Variants in PTPRK observed in about 807,000 individuals in gnomAD.
PTPRK encodes the protein protein tyrosine phosphatase receptor type K, also known as receptor-type tyrosine-protein phosphatase kappa.
PTPRK carries 75 observed loss-of-function variants against 178.0 expected under a neutral mutation model. The observed-to-expected ratio is 0.42, with a 90% CI of 0.35 to 0.51. The LOEUF (loss-of-function observed/expected upper bound fraction) is 0.51, where lower values mean the gene tolerates loss of function less well. PTPRK is among the 20% of genes least tolerant of loss of function. The probability of loss-of-function intolerance (pLI) is 0.02; values close to 1 mark genes in which losing one functional copy is unlikely to be tolerated. For synonymous variants in PTPRK, 637 were observed against 620.6 expected (o/e 1.03, Z -0.39); for missense variants, 1,441 against 1,797.8 (o/e 0.80, Z 3.59).
intron 3 of PTPRK, among the ~76,000 whole-genome samples, chr6:128,294,276 A>T (rs952105784): frequency 1.3e-5 from 2 of 152,130 alleles, no homozygotes; most frequent in Admixed American, 6.6e-5. Context: ...GCTAAGAATC[A>T]GTCTTTCTAA....
At position 128,491,478 on chromosome 6, in the gene PTPRK, G is replaced by A. The variant is rs1402411642; in HGVS notation, c.100+28781C>T. On this transcript the variant is annotated intron_variant, in intron 1 of 29. Transcript: ENST00000368226. ...AGGATTATGTGCTGATAAAGAATGC[G>A]GAAAGAATGTTTATGAGGAAGCAGA... Among the ~76,000 whole-genome samples, 8 of 152,168 alleles carry A rather than the reference G, an allele frequency of 5.3e-5. No homozygotes were observed. In the South Asian group the frequency reaches 6.2e-4, roughly 12 times the overall value.
At chr6:128,146,954 A>G (rs1796592487) in intron 7 of PTPRK, among the ~76,000 whole-genome samples, 1 of 152,168 alleles carries the variant, frequency 6.6e-6, no homozygotes, top group Non-Finnish European at 1.5e-5. Context: ...ATGTTTTAAT[A>G]TAAATGAATA....
chr6:128,149,681 C>T (rs1796992840), intron 7 of PTPRK, among the ~76,000 whole-genome samples: 1 of 152,062 alleles, frequency 6.6e-6, no homozygotes, highest in Non-Finnish European at 1.5e-5. Context: ...GGTAAAGAAC[C>T]TAGCACTTGG....
At chr6:128,218,128 T>C (rs558163162) in intron 6 of PTPRK, among the ~76,000 whole-genome samples, 33 of 152,278 alleles carry the variant, frequency 2.2e-4, no homozygotes, top group Middle Eastern at 3.4e-3. Context: ...TTTTCCTTCA[T>C]AGCCCATACC....
intron 13 of PTPRK, among the ~76,000 whole-genome samples, chr6:128,030,784 G>C (rs113355737): frequency 9.5e-4 from 144 of 152,202 alleles, no homozygotes; most frequent in African/African-American, 3.3e-3. Flanking sequence ...TCAAGTTCAA[G>C]AAGAATTTCA....
At chr6:128,315,596 T>G (rs1030269603) in intron 3 of PTPRK, among the ~76,000 whole-genome samples, 13 of 152,138 alleles carry the variant, frequency 8.5e-5, no homozygotes, top group African/African-American at 2.7e-4. Context: ...TAAAATTTAG[T>G]GTCCAAAGTT....
intron 7 of PTPRK, among the ~76,000 whole-genome samples, chr6:128,136,553 T>C (rs989945547): frequency 2.0e-5 from 3 of 152,226 alleles, no homozygotes; most frequent in Non-Finnish European, 4.4e-5. Context: ...AAAAAATGCC[T>C]TTTTGTTGCC....
intron 3 of PTPRK, among the ~76,000 whole-genome samples, chr6:128,306,082 C>G (rs1371754662): frequency 6.6e-6 from 1 of 152,172 alleles, no homozygotes; most frequent in Non-Finnish European, 1.5e-5. Context: ...GTGGGGGAAA[C>G]CATCCCCATG....
At chr6:128,202,956 A>G (rs1384085144) in intron 6 of PTPRK, among the ~76,000 whole-genome samples, 3 of 152,180 alleles carry the variant, frequency 2.0e-5, no homozygotes, top group African/African-American at 7.2e-5. Flanking sequence ...CAACAGACAA[A>G]AGAAAACTTC....
At chr6:128,008,437 G>A (rs1398851378) in intron 14 of PTPRK, among the ~76,000 whole-genome samples, 1 of 150,720 alleles carries the variant, frequency 6.6e-6, no homozygotes, top group African/African-American at 2.4e-5. Context: ...ACAGATTTAT[G>A]GCATTTTATA....
chr6:128,102,433 A>G (rs1350193603), intron 7 of PTPRK, among the ~76,000 whole-genome samples: 1 of 152,226 alleles, frequency 6.6e-6, no homozygotes, highest in African/African-American at 2.4e-5. Flanking sequence ...CAGGAAAAAT[A>G]GGGCGTGTCC....
At chr6:128,036,163 G>A (rs1438824522) in intron 13 of PTPRK, among the ~76,000 whole-genome samples, 1 of 152,140 alleles carries the variant, frequency 6.6e-6, no homozygotes, top group Non-Finnish European at 1.5e-5. Flanking sequence ...CTCAAAATAT[G>A]AGAAAGAGAC....
Position 128,009,034 on chromosome 6 carries a change from T to C in PTPRK, c.2333+96A>G, listed in dbSNP as rs958243909. 3 of 1,162,478 alleles carry C rather than the reference T, an allele frequency of 2.6e-6. No individual in the cohort carries two copies. In the South Asian group the frequency reaches 6.3e-5, roughly 24 times the overall value. 72.0% of individuals were successfully genotyped at this position (1,162,478 alleles called of 1,614,324 possible). A position where few individuals can be genotyped will look rare whatever the true frequency, so the allele number is the denominator to read the frequency against. On this transcript the variant is annotated intron_variant, in intron 14 of 29. Coordinates refer to ENST00000368226, the MANE Select transcript of PTPRK (RefSeq NM_002844.4). Reference sequence around the variant, plus strand: ...GTTAAAATTAAAATTTTCTTCCTGTTGTTTGTTCTAATTTAAAGGATCTTG... The same window carrying C: ...GTTAAAATTAAAATTTTCTTCCTGTCGTTTGTTCTAATTTAAAGGATCTTG...
chr6:128,088,292 C>T (rs1312200952), intron 8 of PTPRK, among the ~76,000 whole-genome samples: 7 of 151,482 alleles, frequency 4.6e-5, no homozygotes, highest in Non-Finnish European at 1.0e-4. Flanking sequence ...GCAGGAGAAT[C>T]GCTTGAACCT....
At chr6:128,468,088 C>A (rs1292264598) in intron 1 of PTPRK, among the ~76,000 whole-genome samples, 1 of 152,182 alleles carries the variant, frequency 6.6e-6, no homozygotes, top group Non-Finnish European at 1.5e-5. Context: ...TATTCAGTAT[C>A]CTGCGTCTAA....
chr6:128,062,376 T>C (rs1310992451), intron 13 of PTPRK: 1 of 162,016 alleles, frequency 6.2e-6, no homozygotes, highest in Non-Finnish European at 1.5e-5. Context: ...TGGCTCATTT[T>C]TTTTAGTTTT....
At chr6:128,075,111 C>A (rs1047368757) in intron 11 of PTPRK, among the ~76,000 whole-genome samples, 1 of 152,020 alleles carries the variant, frequency 6.6e-6, no homozygotes, top group Non-Finnish European at 1.5e-5. Context: ...TCCCATGAAG[C>A]TTTACACATC....
intron 13 of PTPRK, among the ~76,000 whole-genome samples, chr6:128,021,556 T>C (rs968450339): frequency 3.3e-5 from 5 of 152,026 alleles, no homozygotes; most frequent in Admixed American, 6.5e-5. Flanking sequence ...AGGAGAATGG[T>C]GTGAACCCGG....
At chr6:128,423,692 G>A (rs1248358202) in intron 1 of PTPRK, among the ~76,000 whole-genome samples, 1 of 151,946 alleles carries the variant, frequency 6.6e-6, no homozygotes, top group East Asian at 1.9e-4. Flanking sequence ...GCCAGGAGGG[G>A]TGGTACATGC....
Sources: gnomAD v4.1 joint callset for allele counts (sites outside exome capture counted in the v4.1 genomes callset) on GRCh38, gnomAD v4.1.1 for gene constraint, MANE v1.5 for transcripts, NCBI Gene and HGNC (gene_info 2026-07-23, HGNC 2026-07-21) for gene names.